Variants in EPS15 observed in about 807,000 individuals in gnomAD.
The protein encoded by EPS15 is epidermal growth factor receptor pathway substrate 15.
A neutral mutation model predicts 113.8 loss-of-function variants in EPS15; 72 were observed. That is an observed-to-expected ratio of 0.63 (90% confidence interval 0.52 to 0.77). The LOEUF (loss-of-function observed/expected upper bound fraction) is 0.77. Among genes scored for constraint, EPS15 ranks in the 30% least tolerant of loss-of-function variants. EPS15 has a pLI of 0.00. For synonymous variants in EPS15, 344 were observed against 363.4 expected, an observed-to-expected ratio of 0.95 and a Z score of 0.61; for missense variants, 1,048 against 1,045.8, an observed-to-expected ratio of 1.00 and a Z score of -0.03.
chr1:51,447,337 CTTTTT>C (rs1348195793), intron 9 of EPS15, among the ~76,000 whole-genome samples: 1 of 151,936 alleles, frequency 6.6e-6, no homozygotes, highest in East Asian at 1.9e-4. Flanking sequence ...CACATTTTTA[CTTTTT>C]TTTAAGAAAT....
chr1:51,480,122 T>C (rs1264451064), intron 2 of EPS15, among the ~76,000 whole-genome samples: 1 of 152,220 alleles, frequency 6.6e-6, no homozygotes, highest in Non-Finnish European at 1.5e-5. Flanking sequence ...TAGAAGTTGC[T>C]ATATAGTTTA....
chr1:51,515,258 T>TAA (rs879334673), intron 1 of EPS15, among the ~76,000 whole-genome samples: 12 of 145,638 alleles, frequency 8.2e-5, no homozygotes, highest in African/African-American at 2.5e-4. Context: ...TTTATTACTT[T>TAA]AAAAAAAAAA....
intron 21 of EPS15, among the ~76,000 whole-genome samples, chr1:51,379,265 G>A (rs990811908): frequency 2.0e-5 from 3 of 152,246 alleles, no homozygotes; most frequent in South Asian, 2.1e-4. Context: ...GACTACAGGC[G>A]CAAGCCACCA....
intron 21 of EPS15, among the ~76,000 whole-genome samples, chr1:51,367,078 G>T (rs544799863): frequency 1.4e-4 from 21 of 152,316 alleles, no homozygotes; most frequent in Admixed American, 5.2e-4. Context: ...TTATGAAAGA[G>T]GTATGAAAAA....
At chr1:51,436,184 C>T (rs1239589359) in intron 12 of EPS15, among the ~76,000 whole-genome samples, 1 of 152,092 alleles carries the variant, frequency 6.6e-6, no homozygotes, top group Non-Finnish European at 1.5e-5. Flanking sequence ...GGTCAGAATG[C>T]CAAGAGAACA....
chr1:51,399,672 A>AAGTTTAAG (rs1648326708), intron 19 of EPS15, among the ~76,000 whole-genome samples: 3 of 151,836 alleles, frequency 2.0e-5, no homozygotes, highest in African/African-American at 7.3e-5. Context: ...CGGCCTGGCT[A>AAGTTTAAG]ACACAGTGAA....
At chr1:51,491,913 C>A (rs1178350210) in intron 1 of EPS15, among the ~76,000 whole-genome samples, 1 of 146,254 alleles carries the variant, frequency 6.8e-6, no homozygotes, top group Non-Finnish European at 1.5e-5. Context: ...GTTGCCCAGG[C>A]TGGAGTGCAG....
rs115367873 is a variant in EPS15, at chr1:51,361,310, A to G, written c.2405T>C (p.Leu802Pro). 10 of 1,613,934 alleles carry G rather than the reference A, an allele frequency of 6.2e-6. No homozygotes were observed. The African/African-American group carries it at 1.2e-4, about 19-fold the overall frequency. ...NKLDSPDPFKLNDPFQPFPGN... is the reference protein window; with the variant it reads ...NKLDSPDPFKPNDPFQPFPGN... Reference sequence around the variant, plus strand: ...TGGGAAAGGCTGAAATGGATCATTCAGTTTAAAGGGATCAGGAGAATCCAA... The same window carrying G: ...TGGGAAAGGCTGAAATGGATCATTCGGTTTAAAGGGATCAGGAGAATCCAA... The change falls in exon 24 of 25, where the codon CTG becomes CCG. Residue 802 changes from leucine to proline, a missense_variant. Transcript: ENST00000371733.
At chr1:51,370,971 G>A (rs571289127) in intron 21 of EPS15, among the ~76,000 whole-genome samples, 4 of 151,780 alleles carry the variant, frequency 2.6e-5, no homozygotes, top group African/African-American at 9.7e-5. Flanking sequence ...GCTGGAGTGC[G>A]GTCGTGCGAT....
chr1:51,423,404 T>A (rs1311650782), intron 12 of EPS15: 2 of 1,109,428 alleles, frequency 1.8e-6, no homozygotes, highest in African/African-American at 3.3e-5. Context: ...TTTCTGAAAA[T>A]ACCCAACAAA....
At chr1:51,380,004 T>C (rs757224116) in intron 21 of EPS15, among the ~76,000 whole-genome samples, 4 of 148,926 alleles carry the variant, frequency 2.7e-5, no homozygotes, top group Non-Finnish European at 5.9e-5. Flanking sequence ...GAGGATGCAG[T>C]GAGCCAAGAT....
intron 13 of EPS15, among the ~76,000 whole-genome samples, chr1:51,419,181 T>C (rs895009776): frequency 1.3e-5 from 2 of 152,140 alleles, no homozygotes; most frequent in Non-Finnish European, 2.9e-5. Context: ...ACTTTGGGCC[T>C]AATTTGTCCA....
chr1:51,379,066 G>A (rs949460810), intron 21 of EPS15, among the ~76,000 whole-genome samples: 1 of 152,192 alleles, frequency 6.6e-6, no homozygotes, highest in Non-Finnish European at 1.5e-5. Flanking sequence ...AACAAAGATA[G>A]CACTGTGAAA....
chr1:51,401,274 C>CA (rs1362416178), intron 18 of EPS15: 2,002 of 160,080 alleles, frequency 0.013, 7 homozygotes, highest in African/African-American at 0.026. Flanking sequence ...TTTACTGAAG[C>CA]AAAAAAAAAA....
At chr1:51,362,535 T>G (rs1646411795) in intron 23 of EPS15, among the ~76,000 whole-genome samples, 2 of 152,344 alleles carry the variant, frequency 1.3e-5, no homozygotes, top group Admixed American at 1.3e-4. Context: ...AACTTAAATG[T>G]GCAAATTAAC....
Position 51,381,549 on chromosome 1 carries a change from C to T in EPS15, c.2119+12832G>A, listed in dbSNP as rs149134148. On this transcript the variant is annotated intron_variant, in intron 21 of 24. Transcript: ENST00000371733. ...CAGAGGTTGCAGTGAGCTGAGATCG[C>T]GCCATTGCACCCCAGCCTGGGTGGC... Among the ~76,000 whole-genome samples the T allele has an allele frequency of 9.3e-4, 141 of 152,144 alleles. 3 individuals are homozygous for T. In the East Asian group the frequency reaches 0.02, roughly 22 times the overall value.
At chr1:51,387,110 C>A (rs1487330528) in intron 21 of EPS15, among the ~76,000 whole-genome samples, 6 of 152,216 alleles carry the variant, frequency 3.9e-5, no homozygotes, top group African/African-American at 1.4e-4. Context: ...ATCAGACTAA[C>A]AGCGGATCTC....
intron 11 of EPS15, 40 bp downstream of exon 11, chr1:51,444,849 T>C (rs1652877176): frequency 6.4e-7 from 1 of 1,573,178 alleles, no homozygotes; most frequent in Middle Eastern, 1.7e-4. Context: ...ATTGTTCCTT[T>C]GAAATTAATA....
rs769035576 is a variant in EPS15 at position 51,472,887 on chromosome 1, G to C, written c.137C>G (p.Ser46Ter). 2 of 1,613,538 alleles carry C rather than the reference G, an allele frequency of 1.2e-6. No homozygotes were observed. The highest frequency in any genetic ancestry group is 1.7e-6 in the Non-Finnish European group (2 of 1,179,584). ...ASDAAAFLKK[S>*]GLPDLILGKI... ...TCCAAGTATCAAGTCTGGAAGCCCT[G>C]ATTTTTTCAGGAAAGCAGCAGCATC... The change falls in exon 3 of 25, where the codon TCA (serine) becomes TGA (stop). Residue 46 changes from serine to a stop codon, truncating the protein, a stop_gained. Coordinates refer to ENST00000371733, the MANE Select transcript of EPS15 (RefSeq NM_001981.3). LOFTEE classifies it high-confidence loss of function.
Sources: gnomAD v4.1 joint callset for allele counts (sites outside exome capture counted in the v4.1 genomes callset) on GRCh38, gnomAD v4.1.1 for gene constraint, MANE v1.5 for transcripts, NCBI Gene and HGNC (gene_info 2026-07-23, HGNC 2026-07-21) for gene names.